GUCY1A1: variants seen among roughly 807,000 people sequenced by gnomAD.
GUCY1A1 encodes the protein guanylate cyclase 1 soluble subunit alpha 1.
GUCY1A1 carries 48 observed loss-of-function variants against 64.5 expected under a neutral mutation model. The ratio of observed to expected loss-of-function variants is 0.74; its 90% CI spans 0.59 to 0.95. GUCY1A1 has a LOEUF of 0.95. Among genes scored for constraint, GUCY1A1 ranks in the 40% least tolerant of loss-of-function variants. GUCY1A1 has a pLI of 0.00. For missense variants in GUCY1A1, 804 were observed against 825.3 expected, an observed-to-expected ratio of 0.97 and a Z score of 0.32; for synonymous variants, 308 against 303.4, an observed-to-expected ratio of 1.02 and a Z score of -0.16.
At chr4:155,690,553 T>C (rs6419276) in intron 2 of GUCY1A1, among the ~76,000 whole-genome samples, 149,093 of 152,280 alleles carry the variant, frequency 0.98, 73,085 homozygotes, top group East Asian at 1. Flanking sequence ...CTGACCTCTG[T>C]CTATTTTGTC....
intron 7 of GUCY1A1, 137 bp from the exon 8 acceptor site, chr4:155,717,022 C>A (rs187534805): frequency 7.3e-6 from 4 of 550,120 alleles, no homozygotes; most frequent in Admixed American, 6.8e-5. Flanking sequence ...CATTTCTGGG[C>A]GTATCTGATT....
intron 4 of GUCY1A1, among the ~76,000 whole-genome samples, chr4:155,705,884 G>A (rs1297763105): frequency 1.3e-5 from 2 of 151,896 alleles, no homozygotes; most frequent in Non-Finnish European, 2.9e-5. Flanking sequence ...TTGTTTACAC[G>A]AGTAACATGA....
At chr4:155,707,200 T>C (rs1731896170) in intron 4 of GUCY1A1, among the ~76,000 whole-genome samples, 1 of 152,178 alleles carries the variant, frequency 6.6e-6, no homozygotes, top group South Asian at 2.1e-4. Context: ...CACTTCACAT[T>C]TGAGGTTGCT....
At chr4:155,690,151 A>G (rs10010993) in intron 2 of GUCY1A1, among the ~76,000 whole-genome samples, 15,743 of 152,176 alleles carry the variant, frequency 0.1, 2,751 homozygotes, top group African/African-American at 0.36. Context: ...AAGATTGAAT[A>G]ACCAGAGTCA....
At chr4:155,690,660 G>A (rs1449977262) in intron 2 of GUCY1A1, among the ~76,000 whole-genome samples, 2 of 152,138 alleles carry the variant, frequency 1.3e-5, no homozygotes, top group Admixed American at 6.5e-5. Flanking sequence ...CAAGCATGCT[G>A]TTCTTTCTGG....
At chr4:155,667,616 G>C (rs1733502513) in intron 2 of GUCY1A1, 197 bp downstream of exon 2, 2 of 152,064 alleles carry the variant, frequency 1.3e-5, no homozygotes, top group Non-Finnish European at 2.9e-5. Flanking sequence ...CGCCCGAGGG[G>C]CCGGCCCAGG....
chr4:155,711,096 A>G lies in GUCY1A1; in HGVS notation c.931A>G (p.Arg311Gly), dbSNP rs1417385046. The change falls in exon 6 of 10, where the codon AGG becomes GGG. Residue 311 changes from arginine to glycine, a missense_variant. Arg to Gly is a moderately radical substitution (Grantham distance 125). Coordinates refer to ENST00000506455, the MANE Select transcript of GUCY1A1 (RefSeq NM_001130682.3). ...FGNGIRRLMN[R>G]RDFQGKPNFE... Reference sequence around the variant, plus strand: ...CAATGGCATCAGAAGGCTGATGAACAGGAGAGACTTTCAAGGAAAGCCTAA... The same window carrying G: ...CAATGGCATCAGAAGGCTGATGAACGGGAGAGACTTTCAAGGAAAGCCTAA... 2 of 1,613,690 alleles carry G rather than the reference A, an allele frequency of 1.2e-6. No individual in the cohort carries two copies. Among genetic ancestry groups the G allele is most frequent in the East Asian group, 2.2e-5 (1 of 44,888 alleles).
intron 7 of GUCY1A1, 58 bp downstream of exon 7, chr4:155,713,641 C>T (rs1579095271): frequency 6.4e-7 from 1 of 1,568,576 alleles, no homozygotes; most frequent in African/African-American, 1.3e-5. Context: ...GGAACAAGCA[C>T]TGTGCCTAGG....
At chr4:155,680,458 A>G (rs1275501928) in intron 2 of GUCY1A1, among the ~76,000 whole-genome samples, 1 of 86,028 alleles carries the variant, frequency 1.2e-5, no homozygotes, top group African/African-American at 3.9e-5. Flanking sequence ...AATTTTAAGT[A>G]TATGTGTGTG....
At chr4:155,722,272 T>C (rs968919377) in intron 9 of GUCY1A1, 80 bp downstream of exon 9, 1 of 1,523,928 alleles carries the variant, frequency 6.6e-7, no homozygotes, top group African/African-American at 1.4e-5. Flanking sequence ...TTTGATTCAT[T>C]CTTCATAACT....
intron 2 of GUCY1A1, among the ~76,000 whole-genome samples, chr4:155,676,723 T>G (rs1735003148): frequency 6.6e-6 from 1 of 151,532 alleles, no homozygotes; most frequent in Non-Finnish European, 1.5e-5. Flanking sequence ...GCAGCTTTAT[T>G]CTTGATCATT....
At chr4:155,710,254 T>G (rs1184023786) in intron 5 of GUCY1A1, among the ~76,000 whole-genome samples, 2 of 152,190 alleles carry the variant, frequency 1.3e-5, no homozygotes, top group African/African-American at 4.8e-5. Flanking sequence ...GGAATTCAAA[T>G]TATTCTTTTG....
chr4:155,726,271 T>C (rs1734656302), intron 9 of GUCY1A1, among the ~76,000 whole-genome samples: 1 of 152,050 alleles, frequency 6.6e-6, no homozygotes, highest in Non-Finnish European at 1.5e-5. Context: ...AAATACTTAA[T>C]GTTAAATACT....
At chr4:155,717,418 T>G (rs1733403221) in intron 8 of GUCY1A1, 116 bp downstream of exon 8, 3 of 589,276 alleles carry the variant, frequency 5.1e-6, no homozygotes, top group Admixed American at 3.7e-5. Context: ...GAAAGCAAAA[T>G]CTATATAGAG....
intron 2 of GUCY1A1, among the ~76,000 whole-genome samples, chr4:155,688,244 A>AAAC (rs1172766735): frequency 4.7e-4 from 67 of 142,954 alleles, no homozygotes; most frequent in Non-Finnish European, 8.2e-4. Flanking sequence ...AACAAACAAA[A>AAAC]AAAAAAAAAA....
rs74667589 is a variant in GUCY1A1, at chr4:155,671,205, G to A, written c.-113+3786G>A. Among the ~76,000 whole-genome samples the A allele has an allele frequency of 8.7e-3, 1,330 of 152,200 alleles. 26 individuals are homozygous for A. Among genetic ancestry groups the A allele is most frequent in the Middle Eastern group, 0.031 (9 of 294 alleles). On this transcript the variant is annotated intron_variant, in intron 2 of 9. Transcript: ENST00000506455. ...GACAGAGACCCTTGTGTGCTCTTCCGTCATATAGTTTGTGGCCTCTTCAGA... is the reference window on the plus strand; with the variant it reads ...GACAGAGACCCTTGTGTGCTCTTCCATCATATAGTTTGTGGCCTCTTCAGA...
chr4:155,729,216 C>A (rs1316373832), intron 9 of GUCY1A1, among the ~76,000 whole-genome samples: 1 of 151,694 alleles, frequency 6.6e-6, no homozygotes, highest in Non-Finnish European at 1.5e-5. Context: ...TGGTTGAGAA[C>A]CCACAGCCAT....
intron 3 of GUCY1A1, among the ~76,000 whole-genome samples, chr4:155,702,237 A>C (rs565254680): frequency 1.1e-3 from 164 of 152,298 alleles, no homozygotes; most frequent in African/African-American, 3.9e-3. Flanking sequence ...AGCAACCCTT[A>C]TTTTATTAAA....
At chr4:155,712,437 T>TTGCTTTTGGC (rs1156755080) in intron 6 of GUCY1A1, among the ~76,000 whole-genome samples, 1 of 152,220 alleles carries the variant, frequency 6.6e-6, no homozygotes, top group East Asian at 1.9e-4. Context: ...GATATTTGGG[T>TTGCTTTTGGC]TGCTTTTGGC....
Sources: gnomAD v4.1 joint callset for allele counts (sites outside exome capture counted in the v4.1 genomes callset) on GRCh38, gnomAD v4.1.1 for gene constraint, MANE v1.5 for transcripts, NCBI Gene and HGNC (gene_info 2026-07-23, HGNC 2026-07-21) for gene names.